MYO5A: variants seen among roughly 807,000 people sequenced by gnomAD.
The protein encoded by MYO5A is myosin VA.
MYO5A carries 98 observed loss-of-function variants against 249.7 expected under a neutral mutation model. The observed-to-expected ratio is 0.39, with a 90% confidence interval of 0.33 to 0.46. The LOEUF (loss-of-function observed/expected upper bound fraction) is 0.46, where lower values mean the gene tolerates loss of function less well. Ranked by LOEUF, MYO5A falls within the 20% of genes least tolerant of loss-of-function variation. The pLI, the probability that MYO5A is intolerant of heterozygous loss-of-function variation, is 0.98. For missense variants in MYO5A, 1,696 were observed against 2,308.8 expected, an observed-to-expected ratio of 0.73 and a Z score of 5.44; for synonymous variants, 778 against 810.6, an observed-to-expected ratio of 0.96 and a Z score of 0.68.
chr15:52,411,946 T>C (rs1567101399), intron 5 of MYO5A, among the ~76,000 whole-genome samples: 1 of 152,222 alleles, frequency 6.6e-6, no homozygotes, highest in African/African-American at 2.4e-5. Flanking sequence ...TAATGTAGCC[T>C]CAGATAATTT....
At chr15:52,465,544 C>T (rs2076334941) in intron 1 of MYO5A, among the ~76,000 whole-genome samples, 1 of 152,112 alleles carries the variant, frequency 6.6e-6, no homozygotes, top group African/African-American at 2.4e-5. Context: ...GTAGTCCCAG[C>T]TACTTGGGAG....
At chr15:52,494,865 T>C (rs749472320) in intron 1 of MYO5A, among the ~76,000 whole-genome samples, 1 of 152,210 alleles carries the variant, frequency 6.6e-6, no homozygotes, top group Non-Finnish European at 1.5e-5. Context: ...GCTGAATTTA[T>C]CTACCTGAGC....
At position 52,313,831 on chromosome 15, in the gene MYO5A, C is replaced by G; in HGVS notation, c.5508G>C (p.Arg1836Ser). The G allele has an allele frequency of 1.2e-6, 2 of 1,613,946 alleles. No homozygotes were observed. The highest frequency in any genetic ancestry group is 1.1e-5 in the South Asian group (1 of 91,076). ...IRTIQMRLRD[R>S]KDSPQLLMDA... is the part of the protein sequence containing the mutation. ...CCATGAGCAGCTGGGGAGAGTCTTT[C>G]CTGTCTCGTAAACGCATCTGAGAAG... The change falls in exon 42 of 42, where the codon AGG becomes AGC. Residue 1836 changes from arginine to serine, a missense_variant. Around this residue, in one of 5 missense-constraint regions of MYO5A, gnomAD observed 625 missense variants for 908.1 expected, o/e 0.69. Transcript: ENST00000399233.
Position 52,401,924 on chromosome 15 carries a change from C to T in MYO5A, c.1053+3363G>A, listed in dbSNP as rs565429686. The stretch of plus-strand genomic sequence containing the variant: ...CTTATCAGTTTTCTCTTCAGTTGTA[C>T]CAAATCTGCTGTTTATTAATTTTGG... On this transcript the variant is annotated intron_variant, in intron 9 of 41. Coordinates refer to ENST00000399233, the MANE Select transcript of MYO5A (RefSeq NM_001382347.1). Among the ~76,000 whole-genome samples the T allele has an allele frequency of 2.0e-5, 3 of 152,304 alleles. No individual in the cohort carries two copies. The South Asian group carries it at 6.2e-4, about 32-fold the overall frequency.
At position 52,321,943 on chromosome 15, in the gene MYO5A, A is replaced by T. The variant is rs183258486; in HGVS notation, c.4801-434T>A. 9.2e-5 allele frequency among the ~76,000 whole-genome samples: 14 copies of T among 152,296 alleles called. No individual in the cohort carries two copies. The East Asian group carries it at 2.7e-3, about 29-fold the overall frequency. On this transcript the variant is annotated intron_variant, in intron 37 of 41. Transcript: ENST00000399233. ...CACCCAAAGGACATATATAATCTTG[A>T]AATAGACCGATTTCTACAGAGACTA... is the stretch of plus-strand genomic sequence containing the variant.
chr15:52,513,542 A>C (rs949785648), intron 1 of MYO5A, among the ~76,000 whole-genome samples: 1 of 150,604 alleles, frequency 6.6e-6, no homozygotes. Context: ...CTCCTGACTC[A>C]GCGTCCTGAG....
chr15:52,380,693 G>T (rs1021385680), intron 16 of MYO5A, among the ~76,000 whole-genome samples: 67 of 152,110 alleles, frequency 4.4e-4, no homozygotes, highest in African/African-American at 1.5e-3. Context: ...CTTGAACCCG[G>T]GAGGCAGAGG....
intron 1 of MYO5A, among the ~76,000 whole-genome samples, chr15:52,525,449 C>T (rs551576597): frequency 6.6e-6 from 1 of 152,280 alleles, no homozygotes; most frequent in South Asian, 2.1e-4. Flanking sequence ...ATTGCTGTGA[C>T]AAAACCATTA....
At chr15:52,356,723 TAA>T (rs533798990) in intron 25 of MYO5A, among the ~76,000 whole-genome samples, 10 of 134,096 alleles carry the variant, frequency 7.5e-5, no homozygotes, top group Non-Finnish European at 1.1e-4. Flanking sequence ...CCGTTATAAT[TAA>T]AAAAAAAAAA....
At chr15:52,383,571 A>G (rs8030307) in intron 15 of MYO5A, among the ~76,000 whole-genome samples, 134,697 of 152,190 alleles carry the variant, frequency 0.89, 61,764 homozygotes, top group Non-Finnish European at 1. Flanking sequence ...AGATGACTTA[A>G]AAGAGTATAG....
At chr15:52,469,709 G>C (rs1040532738) in intron 1 of MYO5A, among the ~76,000 whole-genome samples, 2 of 152,208 alleles carry the variant, frequency 1.3e-5, no homozygotes, top group Non-Finnish European at 2.9e-5. Flanking sequence ...CCAAATCATA[G>C]GAGGGTTCAT....
At chr15:52,521,569 T>G (rs908477233) in intron 1 of MYO5A, among the ~76,000 whole-genome samples, 5 of 152,236 alleles carry the variant, frequency 3.3e-5, no homozygotes, top group Admixed American at 1.3e-4. Context: ...ATGGTCCTCA[T>G]GAACACTTAG....
At chr15:52,448,957 CTTTTTTTTTTTTT>C (rs145765339) in intron 1 of MYO5A, among the ~76,000 whole-genome samples, 58 of 55,576 alleles carry the variant, frequency 1.0e-3, no homozygotes, top group Non-Finnish European at 1.4e-3. Flanking sequence ...TCTTGTCTTT[CTTTTTTTTTTTTT>C]TTTTTTTTTT....
chr15:52,362,780 G>A (rs1331268745), intron 24 of MYO5A, among the ~76,000 whole-genome samples: 1 of 152,184 alleles, frequency 6.6e-6, no homozygotes, highest in African/African-American at 2.4e-5. Context: ...TCAAGCTGCT[G>A]GAGGAGGCGT....
chr15:52,341,243 T>A (rs908282715), intron 31 of MYO5A, among the ~76,000 whole-genome samples: 2 of 152,174 alleles, frequency 1.3e-5, no homozygotes, highest in African/African-American at 4.8e-5. Context: ...GCCTTATATA[T>A]ACAGATTTAC....
chr15:52,486,886 T>C (rs2076832745), intron 1 of MYO5A, among the ~76,000 whole-genome samples: 1 of 152,158 alleles, frequency 6.6e-6, no homozygotes, highest in East Asian at 1.9e-4. Flanking sequence ...ACCCATGTCA[T>C]AGGCACACGG....
chr15:52,334,381 T>A (rs922634472), intron 34 of MYO5A, among the ~76,000 whole-genome samples: 2 of 152,200 alleles, frequency 1.3e-5, no homozygotes, highest in African/African-American at 4.8e-5. Context: ...TCTCATGATA[T>A]AATTGGTGCA....
intron 1 of MYO5A, among the ~76,000 whole-genome samples, chr15:52,471,303 G>A (rs2076462068): frequency 6.6e-6 from 1 of 151,770 alleles, no homozygotes; most frequent in South Asian, 2.1e-4. Context: ...ACTTTTGTGT[G>A]CATTAAAAAT....
Position 52,311,487 on chromosome 15 carries a change from C to T in MYO5A, c.*2209G>A, listed in dbSNP as rs1034555540. 2.0e-5 allele frequency: 3 copies of T among 152,154 alleles called. No homozygotes were observed. The highest frequency in any genetic ancestry group is 4.4e-5 in the Non-Finnish European group (3 of 68,032). The allele number at this position is 152,154 out of a possible 1,614,324, so 9.4% of individuals were successfully genotyped here. A position where few individuals can be genotyped will look rare whatever the true frequency, so the allele number is the denominator to read the frequency against. On this transcript the variant is annotated 3_prime_UTR_variant, in exon 42 of 42. Coordinates refer to ENST00000399233, the MANE Select transcript of MYO5A (RefSeq NM_001382347.1). ...CAATTGGTAGTGTTTCTGGTTGATA[C>T]TGCAAATAAATAAATAAATGTATTC...
Sources: allele counts gnomAD v4.1 joint callset (sites outside exome capture counted in the v4.1 genomes callset), GRCh38; gene constraint gnomAD v4.1.1; regional missense constraint gnomAD v4.1.1; transcripts MANE v1.5; gene names NCBI Gene and HGNC (gene_info 2026-07-23, HGNC 2026-07-21).